Variants in PCBP3 observed in about 807,000 individuals in gnomAD.
PCBP3 encodes poly(rC) binding protein 3, also known as poly(rC)-binding protein 3.
PCBP3 carries 25 observed loss-of-function variants against 52.7 expected under a neutral mutation model. That is an observed-to-expected ratio of 0.47 (90% CI 0.35 to 0.66). PCBP3 has a LOEUF of 0.66. PCBP3 is among the 30% of genes least tolerant of loss of function. PCBP3 has a pLI of 0.01. For synonymous variants in PCBP3, 162 were observed against 183.0 expected (o/e 0.89, Z 0.93); for missense variants, 391 against 490.3 (o/e 0.80, Z 1.91).
chr21:45,795,365 C>A (rs188225747), intron 4 of PCBP3, among the ~76,000 whole-genome samples: 48 of 149,272 alleles, frequency 3.2e-4, no homozygotes, highest in Non-Finnish European at 5.6e-4. Flanking sequence ...CTCTCTCTCT[C>A]TCCAGGACCA....
At chr21:45,666,211 A>G (rs529851697) in intron 1 of PCBP3, among the ~76,000 whole-genome samples, 4 of 152,210 alleles carry the variant, frequency 2.6e-5, no homozygotes, top group Non-Finnish European at 5.9e-5. Flanking sequence ...TTGGAACAAA[A>G]CAAGGATGTC....
chr21:45,665,609 G>A (rs998320046), intron 1 of PCBP3, among the ~76,000 whole-genome samples: 2 of 152,056 alleles, frequency 1.3e-5, no homozygotes, highest in East Asian at 1.9e-4. Context: ...AACAAGTAGC[G>A]AGATTGAATC....
In PCBP3 at chr21:45,928,259, C is replaced by T. The variant is rs1490125182; in HGVS notation, c.718-1658C>T. On this transcript the variant is annotated intron_variant, in intron 13 of 17. Transcript: ENST00000681687. This position sits in a 1 kb window ranked among gnomAD's most constrained non-coding sequence, Gnocchi z 4.1. ...CTGGCACCCTCGTCAGGGGCTTCCA[C>T]ACACATCCCCTCAGATAACCCGGCA... is the stretch of plus-strand genomic sequence containing the variant. 1.3e-5 allele frequency among the ~76,000 whole-genome samples: 2 copies of T among 152,198 alleles called. No individual in the cohort carries two copies. The highest frequency in any genetic ancestry group is 2.9e-5 in the Non-Finnish European group (2 of 68,024).
chr21:45,744,954 CT>C (rs1227908856), intron 3 of PCBP3, among the ~76,000 whole-genome samples: 1 of 152,112 alleles, frequency 6.6e-6, no homozygotes, highest in Non-Finnish European at 1.5e-5. Flanking sequence ...GGACTGGGCC[CT>C]TTGTGACTGT....
chr21:45,774,232 A>G (rs1035051837), intron 4 of PCBP3, among the ~76,000 whole-genome samples: 5 of 151,852 alleles, frequency 3.3e-5, no homozygotes, highest in East Asian at 3.9e-4. Context: ...GTGAAACTCC[A>G]TATCTACTAA....
intron 2 of PCBP3, among the ~76,000 whole-genome samples, chr21:45,709,620 G>T (rs1341967423): frequency 1.3e-5 from 2 of 151,976 alleles, no homozygotes; most frequent in African/African-American, 4.8e-5. Context: ...TAGATTTACA[G>T]AATTATGATG....
chr21:45,844,391 AC>A (rs2093761649), intron 4 of PCBP3, among the ~76,000 whole-genome samples: 1 of 152,214 alleles, frequency 6.6e-6, no homozygotes, highest in Non-Finnish European at 1.5e-5. Context: ...AGAGCCCTTC[AC>A]ATGGTCCAGA....
intron 2 of PCBP3, among the ~76,000 whole-genome samples, chr21:45,672,003 C>G (rs1427604584): frequency 1.3e-5 from 2 of 152,112 alleles, no homozygotes; most frequent in African/African-American, 2.4e-5. Flanking sequence ...TTTGTCCCCT[C>G]CAAAACTCAT....
chr21:45,898,684 C>T lies in PCBP3; in HGVS notation c.166-915C>T, dbSNP rs1229997541. Among the ~76,000 whole-genome samples the T allele has an allele frequency of 4.0e-4, 23 of 57,600 alleles. 2 individuals carry two copies. The highest frequency in any genetic ancestry group is 2.1e-3 in the African/African-American group (20 of 9,544). The allele number at this position is 57,600 out of a possible 152,430, so 37.8% of individuals were successfully genotyped here. A position where few individuals can be genotyped will look rare whatever the true frequency, so the allele number is the denominator to read the frequency against. On this transcript the variant is annotated intron_variant, in intron 6 of 17. Transcript: ENST00000681687. ...TCCTCACAGCCTCCCTCTCCCTCCA[C>T]GGGCCCCTCTGCACGCCGTCCTCAC...
chr21:45,877,494 G>T (rs573582260), intron 5 of PCBP3, among the ~76,000 whole-genome samples: 31 of 152,274 alleles, frequency 2.0e-4, no homozygotes, highest in Non-Finnish European at 3.8e-4. Context: ...AACAGATTTT[G>T]CCAATTTAAT....
chr21:45,922,794 A>G (rs1370480929), intron 13 of PCBP3, among the ~76,000 whole-genome samples: 1 of 152,230 alleles, frequency 6.6e-6, no homozygotes, highest in African/African-American at 2.4e-5. Flanking sequence ...GAGGAAGTGG[A>G]AGCTCTGAGA....
chr21:45,647,182 G>C (rs1295056690), intron 1 of PCBP3, among the ~76,000 whole-genome samples: 2 of 152,196 alleles, frequency 1.3e-5, no homozygotes, highest in Non-Finnish European at 2.9e-5. Context: ...CATCTGAACT[G>C]ATTCTGTGGC....
intron 2 of PCBP3, among the ~76,000 whole-genome samples, chr21:45,694,412 T>G (rs1164608334): frequency 1.3e-5 from 2 of 152,202 alleles, no homozygotes; most frequent in African/African-American, 4.8e-5. Flanking sequence ...CAAAACAAAC[T>G]GGAATAACTT....
chr21:45,701,444 T>C (rs1407311785), intron 2 of PCBP3, among the ~76,000 whole-genome samples: 1 of 152,236 alleles, frequency 6.6e-6, no homozygotes, highest in Non-Finnish European at 1.5e-5. Flanking sequence ...GTTCTATCTA[T>C]TGATAGTTAC....
At chr21:45,718,929 G>C (rs2084415671) in intron 2 of PCBP3, among the ~76,000 whole-genome samples, 1 of 152,172 alleles carries the variant, frequency 6.6e-6, no homozygotes, top group Non-Finnish European at 1.5e-5. Flanking sequence ...CCAACAGTTT[G>C]GAAAAGAACA....
intron 5 of PCBP3, among the ~76,000 whole-genome samples, chr21:45,881,080 G>A (rs377527941): frequency 1.2e-4 from 18 of 152,324 alleles, no homozygotes; most frequent in Admixed American, 2.0e-4. Context: ...CAAGCTGAGC[G>A]AGTTCCCCTC....
At position 45,928,209 on chromosome 21, in the gene PCBP3, G is replaced by T. The variant is rs1404272855; in HGVS notation, c.718-1708G>T. Among the ~76,000 whole-genome samples the T allele has an allele frequency of 2.6e-5, 4 of 152,182 alleles. No individual in the cohort carries two copies. The East Asian group carries it at 7.7e-4, about 29-fold the overall frequency. The stretch of plus-strand genomic sequence containing the variant: ...CGGTGACTTCAGCTGGTGTCCTTGG[G>T]ACAGGATGTCCCCCACAAGCTCTCC... On this transcript the variant is annotated intron_variant, in intron 13 of 17. Coordinates refer to ENST00000681687, the MANE Select transcript of PCBP3 (RefSeq NM_001384156.1). The surrounding 1 kb of genome is among the most constrained non-coding windows in gnomAD (Gnocchi z 4.1).
At chr21:45,651,836 G>A (rs1395622021) in intron 1 of PCBP3, among the ~76,000 whole-genome samples, 3 of 152,190 alleles carry the variant, frequency 2.0e-5, no homozygotes, top group Non-Finnish European at 2.9e-5. Flanking sequence ...AAAAAATAAT[G>A]TAAGACTTAG....
intron 11 of PCBP3, among the ~76,000 whole-genome samples, chr21:45,911,830 G>T (rs1187223906): frequency 6.6e-6 from 1 of 152,208 alleles, no homozygotes; most frequent in East Asian, 1.9e-4. Context: ...TTGCGTAGTT[G>T]TTGTTTCCCT....
Sources: gnomAD v4.1 joint callset for allele counts (sites outside exome capture counted in the v4.1 genomes callset) on GRCh38, gnomAD v4.1.1 for gene constraint, Gnocchi (gnomAD v3.1) non-coding constraint, MANE v1.5 for transcripts, NCBI Gene and HGNC (gene_info 2026-07-23, HGNC 2026-07-21) for gene names.